The following INTS13 variants were observed in gnomAD, a reference collection of about 807,000 sequenced individuals.
The protein encoded by INTS13 is integrator complex subunit 13, also known as asunder, spermatogenesis regulator homolog (Drosphila).
Under a neutral mutation model 90.2 loss-of-function variants are expected in INTS13, and 35 were observed. That is an observed-to-expected ratio of 0.39 (90% CI 0.30 to 0.51). INTS13 has a LOEUF of 0.51. Among genes scored for constraint, INTS13 ranks in the 20% least tolerant of loss-of-function variants. The pLI, the probability that INTS13 is intolerant of heterozygous loss-of-function variation, is 0.80. For synonymous variants in INTS13, 309 were observed against 277.1 expected (o/e 1.11, Z -1.14); for missense variants, 601 against 851.2 (o/e 0.71, Z 3.66).
intron 6 of INTS13, among the ~76,000 whole-genome samples, chr12:26,925,129 T>A (rs928046646): frequency 6.6e-6 from 1 of 152,062 alleles, no homozygotes; most frequent in Non-Finnish European, 1.5e-5. Flanking sequence ...AAAAACACAA[T>A]GATGGCAATA....
chr12:26,928,115 G>A lies in INTS13; in HGVS notation c.584+90C>T. On this transcript the variant is annotated intron_variant, in intron 5 of 16. Transcript: ENST00000261191. ...ATTTGTTGAGTCAATAGAGAATTCA[G>A]GGAAACGCTACCAGTCAAGTTATTG... 3.3e-6 allele frequency: 3 copies of A among 912,990 alleles called. No individual in the cohort carries two copies. In the South Asian group the frequency reaches 6.6e-5, roughly 20 times the overall value. The allele number at this position is 912,990 out of a possible 1,614,324, so 56.6% of individuals were successfully genotyped here. A position where few individuals can be genotyped will look rare whatever the true frequency, so the allele number is the denominator to read the frequency against.
chr12:26,934,711 T>C (rs1938371587), intron 2 of INTS13, 81 bp from the exon 3 acceptor site: 1 of 1,001,516 alleles, frequency 1.0e-6, no homozygotes. Context: ...ATATGCAATT[T>C]GTAACACTGT....
chr12:26,927,451 G>A (rs1287218487), intron 5 of INTS13, among the ~76,000 whole-genome samples: 2 of 152,156 alleles, frequency 1.3e-5, no homozygotes, highest in Admixed American at 1.3e-4. Flanking sequence ...AAGTACTAGT[G>A]TGAGTATAGA....
chr12:26,910,839 A>T (rs914119325), intron 15 of INTS13, among the ~76,000 whole-genome samples: 15 of 148,060 alleles, frequency 1.0e-4, no homozygotes, highest in Admixed American at 6.8e-4. Context: ...TCATTGGAAA[A>T]TTTTTTTTTT....
intron 14 of INTS13, 92 bp from the exon 15 acceptor site, chr12:26,911,409 T>C: frequency 9.0e-7 from 1 of 1,110,656 alleles, no homozygotes; most frequent in South Asian, 1.8e-5. Flanking sequence ...TCAACCTTTA[T>C]AAAAGATGGC....
chr12:26,911,462 T>C (rs1247103211), intron 14 of INTS13, 145 bp from the exon 15 acceptor site: 8 of 548,584 alleles, frequency 1.5e-5, no homozygotes, highest in Non-Finnish European at 2.3e-5. Flanking sequence ...AAAATCTCAA[T>C]CTAAAACCAG....
At chr12:26,930,854 C>A (rs1180714045) in intron 3 of INTS13, among the ~76,000 whole-genome samples, 2 of 152,136 alleles carry the variant, frequency 1.3e-5, no homozygotes, top group African/African-American at 4.8e-5. Flanking sequence ...GTAAACACTT[C>A]TTTCACAGTA....
intron 2 of INTS13, among the ~76,000 whole-genome samples, chr12:26,935,985 A>G (rs989589011): frequency 6.6e-6 from 1 of 152,218 alleles, no homozygotes; most frequent in African/African-American, 2.4e-5. Flanking sequence ...CTGATAAACC[A>G]TATCCACTTA....
intron 3 of INTS13, among the ~76,000 whole-genome samples, chr12:26,934,213 G>C (rs1013742489): frequency 6.6e-6 from 1 of 152,200 alleles, no homozygotes; most frequent in African/African-American, 2.4e-5. Flanking sequence ...AGAGGTTGCA[G>C]TGAGCCGAGA....
rs1179285761 is a variant in INTS13 at position 26,928,686 on chromosome 12, T to C, written c.503+17A>G. The C allele has an allele frequency of 6.2e-7, 1 of 1,611,670 alleles. No homozygotes were observed. The highest frequency in any genetic ancestry group is 1.3e-5 in the African/African-American group (1 of 75,016). On this transcript the variant is annotated intron_variant, in intron 4 of 16. Transcript: ENST00000261191. ...AAAATTCCCACAGTGAAAGAATTGCTATAATCAACACCTCACCTTTTTGCA... is the reference window on the plus strand; with the variant it reads ...AAAATTCCCACAGTGAAAGAATTGCCATAATCAACACCTCACCTTTTTGCA...
At chr12:26,930,424 G>A (rs1211463732) in intron 3 of INTS13, among the ~76,000 whole-genome samples, 9 of 152,168 alleles carry the variant, frequency 5.9e-5, no homozygotes, top group Admixed American at 2.6e-4. Flanking sequence ...AGATAGTACG[G>A]TACTGGCACA....
rs1951854756 is a variant in INTS13, at chr12:26,913,701, T to G, written c.1575-14A>C. On this transcript the variant is annotated splice_polypyrimidine_tract_variant and intron_variant, in intron 13 of 16. Transcript: ENST00000261191. ...TATTGTTCATCTCTGCAGCAAAGATTTGGAAATACTCTTTAAATAATATTG... is the reference window on the plus strand; with the variant it reads ...TATTGTTCATCTCTGCAGCAAAGATGTGGAAATACTCTTTAAATAATATTG... 1 of 1,577,520 alleles carries G rather than the reference T, an allele frequency of 6.3e-7. No homozygotes were observed. The highest frequency in any genetic ancestry group is 1.4e-5 in the African/African-American group (1 of 73,572).
chr12:26,913,800 A>G, intron 13 of INTS13, 113 bp from the exon 14 acceptor site: 2 of 1,161,846 alleles, frequency 1.7e-6, no homozygotes, highest in Non-Finnish European at 2.4e-6. Flanking sequence ...TTGGTACTTA[A>G]TAGTGAAATT....
At chr12:26,915,293 G>A (rs1951900161) in intron 11 of INTS13, among the ~76,000 whole-genome samples, 1 of 152,026 alleles carries the variant, frequency 6.6e-6, no homozygotes. Flanking sequence ...AGTTATCTGT[G>A]AATGATGAAA....
chr12:26,912,709 C>T (rs1413026884), intron 14 of INTS13, among the ~76,000 whole-genome samples: 1 of 148,334 alleles, frequency 6.7e-6, no homozygotes, highest in Non-Finnish European at 1.5e-5. Context: ...ATAATAGCAC[C>T]TTCCACACTT....
At chr12:26,915,025 G>A (rs1365943779) in intron 11 of INTS13, among the ~76,000 whole-genome samples, 4 of 152,084 alleles carry the variant, frequency 2.6e-5, no homozygotes, top group Admixed American at 2.0e-4. Flanking sequence ...TCAGGAGTTC[G>A]AGACCAGCCT....
At chr12:26,920,694 A>G (rs1952091964) in intron 8 of INTS13, among the ~76,000 whole-genome samples, 2 of 152,124 alleles carry the variant, frequency 1.3e-5, no homozygotes, top group African/African-American at 4.8e-5. Flanking sequence ...CGCCTGGCCC[A>G]TTTTTGTAAG....
rs1937761600 is a variant in INTS13, at chr12:26,924,535, AC to A, written c.676-53del. On this transcript the variant is annotated intron_variant, in intron 6 of 16. Transcript: ENST00000261191. ...ATCCACAAAATATTAATTCATTGTGACCTACTGCTAAATATTTTAGTATAAA... is the reference window on the plus strand; with the variant it reads ...ATCCACAAAATATTAATTCATTGTGACTACTGCTAAATATTTTAGTATAAA... The A allele has an allele frequency of 2.6e-6, 4 of 1,524,574 alleles. No homozygotes were observed. In the Admixed American group the frequency reaches 5.9e-5, roughly 22 times the overall value. 94.4% of individuals were successfully genotyped at this position (1,524,574 alleles called of 1,614,324 possible).
At chr12:26,918,178 C>G (rs1951998374) in intron 8 of INTS13, among the ~76,000 whole-genome samples, 1 of 151,856 alleles carries the variant, frequency 6.6e-6, no homozygotes, top group Non-Finnish European at 1.5e-5. Context: ...ATAGAGCAAA[C>G]TGGGTATGGA....
Sources: gnomAD v4.1 joint callset for allele counts (sites outside exome capture counted in the v4.1 genomes callset) on GRCh38, gnomAD v4.1.1 for gene constraint, MANE v1.5 for transcripts, NCBI Gene and HGNC (gene_info 2026-07-23, HGNC 2026-07-21) for gene names.